The following ADGRG1 variants were observed in gnomAD, a reference collection of about 807,000 sequenced individuals.
The protein encoded by ADGRG1 is 7-transmembrane protein with no EGF-like N-terminal domains-1.
A neutral mutation model predicts 73.5 loss-of-function variants in ADGRG1; 53 were observed. The ratio of observed to expected loss-of-function variants is 0.72; its 90% CI spans 0.58 to 0.91. The LOEUF is 0.91. ADGRG1 is among the 40% of genes least tolerant of loss of function. The pLI is 0.00. For missense variants in ADGRG1, 795 were observed against 871.8 expected (o/e 0.91, Z 1.11); for synonymous variants, 394 against 374.4 (o/e 1.05, Z -0.60).
intron 1 of ADGRG1, chr16:57,635,390 C>T (rs2039099917): frequency 2.0e-6 from 2 of 985,328 alleles, no homozygotes; most frequent in Non-Finnish European, 1.2e-6. Context: ...CTGCCTGCCT[C>T]CTGGCACCTT....
rs114310048 is a variant in ADGRG1 at position 57,652,405 on chromosome 16, C to T, written c.487+783C>T. 8.8e-3 allele frequency among the ~76,000 whole-genome samples: 1,342 copies of T among 152,208 alleles called. 21 individuals carry two copies. The highest frequency in any genetic ancestry group is 0.031 in the African/African-American group (1,271 of 41,516). ...CAGCACTTTGATTGTGTCAGTGTAA[C>T]AGGCTAATGATTATGTCCAGTGCAA... On this transcript the variant is annotated intron_variant, in intron 3 of 13. Transcript: ENST00000562631.
intron 1 of ADGRG1, among the ~76,000 whole-genome samples, chr16:57,644,455 C>A (rs2041783618): frequency 6.6e-6 from 1 of 150,754 alleles, no homozygotes; most frequent in Admixed American, 6.6e-5. Context: ...TGCACATGCA[C>A]ACACTCATGC....
At chr16:57,656,154 C>T in intron 7 of ADGRG1, 72 bp from the exon 8 acceptor site, 2 of 1,613,794 alleles carry the variant, frequency 1.2e-6, no homozygotes, top group Non-Finnish European at 8.5e-7. Context: ...TCTAGACTTC[C>T]TCTGCCTGGC....
chr16:57,655,520 C>G lies in ADGRG1; in HGVS notation c.890C>G (p.Ala297Gly). 1 of 1,613,860 alleles carries G rather than the reference C, an allele frequency of 6.2e-7. No homozygotes were observed. The highest frequency in any genetic ancestry group is 8.5e-7 in the Non-Finnish European group (1 of 1,180,016). ...RLLLVDFSSQ[A>G]LFQDKNSSQV... ...CTCCTGGTGGACTTCAGCAGCCAAG[C>G]CCTGTTCCAGGTATGGGGTCCTCAC... Residue 297 changes from alanine (A) to glycine (G), a missense_variant, in exon 6 of 14, where the codon GCC (alanine) becomes GGC (glycine). Transcript: ENST00000562631.
intron 13 of ADGRG1, 129 bp from the exon 14 acceptor site, chr16:57,663,323 C>G (rs1476366185): frequency 1.3e-6 from 2 of 1,533,940 alleles, no homozygotes; most frequent in Non-Finnish European, 8.7e-7. Context: ...TCATGGGTGC[C>G]CGACAGCACG....
intron 4 of ADGRG1, chr16:57,653,665 G>A (rs571214855): frequency 7.8e-6 from 7 of 893,614 alleles, no homozygotes; most frequent in East Asian, 2.4e-4. Flanking sequence ...TGGCACAGGC[G>A]GAGCTGGGCC....
At chr16:57,626,747 C>T (rs1168603283), upstream of ADGRG1, 1 of 985,266 alleles carries the variant, frequency 1.0e-6, no homozygotes, top group Admixed American at 6.1e-5. Context: ...GGGACAGCTG[C>T]CCTGTGGGCC....
upstream of ADGRG1, chr16:57,627,950 G>C (rs1011815607): frequency 2.0e-5 from 20 of 978,036 alleles, no homozygotes; most frequent in Non-Finnish European, 2.4e-5. Context: ...CTTTGGCTCA[G>C]CAGATGGATT....
chr16:57,634,022 A>G, intron 1 of ADGRG1: 1 of 969,168 alleles, frequency 1.0e-6, no homozygotes, highest in Non-Finnish European at 1.2e-6. Flanking sequence ...GCCATTACCC[A>G]CAGAACCGCC....
rs768976220 is a variant in ADGRG1 at position 57,661,779 on chromosome 16, C to G, written c.1747C>G (p.Leu583Val). The change falls in exon 13 of 14, where the codon CTA becomes GTA. Residue 583 changes from leucine (L) to valine (V), a missense_variant. Coordinates refer to ENST00000562631, the MANE Select transcript of ADGRG1 (RefSeq NM_201525.4). ...SLVFLFNMAM[L>V]ATMVVQILRL... ...GGTGTTTCTGTTCAACATGGCCATG[C>G]TAGCCACCATGGTGGTGCAGATCCT... 1.9e-6 allele frequency: 3 copies of G among 1,614,224 alleles called. No homozygotes were observed. Among genetic ancestry groups the G allele is most frequent in the South Asian group, 2.2e-5 (2 of 91,090 alleles).
upstream of ADGRG1, chr16:57,624,876 C>T (rs914134822): frequency 2.2e-5 from 4 of 185,096 alleles, no homozygotes; most frequent in Non-Finnish European, 4.1e-5. Flanking sequence ...TCTGCCAGGC[C>T]TGGGCTGCAA....
rs1396059168 is a variant in ADGRG1 at position 57,659,318 on chromosome 16, G to A, written c.1287-95G>A. 6 of 1,600,314 alleles carry A rather than the reference G, an allele frequency of 3.7e-6. No individual in the cohort carries two copies. In the African/African-American group the frequency reaches 5.3e-5, roughly 14 times the overall value. On this transcript the variant is annotated intron_variant, in intron 10 of 13. Coordinates refer to ENST00000562631, the MANE Select transcript of ADGRG1 (RefSeq NM_201525.4). ...TATGACTGCATGTGTGTGTCGGGGT[G>A]GGGGGCAGTCTGGGAAGGCTTCCTG...
chr16:57,650,870 G>A (rs952947533), intron 2 of ADGRG1: 42 of 163,996 alleles, frequency 2.6e-4, no homozygotes, highest in Admixed American at 1.2e-3. Context: ...CACTATGCCC[G>A]GCTAATTTTT....
At chr16:57,627,287 T>C (rs1205548946), upstream of ADGRG1, 2 of 158,330 alleles carry the variant, frequency 1.3e-5, no homozygotes, top group Non-Finnish European at 2.7e-5. Flanking sequence ...AGAAGGCAGA[T>C]CTCTACCGGA....
At chr16:57,630,090 T>C in intron 1 of ADGRG1, 1 of 829,092 alleles carries the variant, frequency 1.2e-6, no homozygotes, top group Non-Finnish European at 1.5e-6. Context: ...CTGTGCACTC[T>C]GTGCTCTGTC....
In ADGRG1 at chr16:57,655,483, G is replaced by A. The variant is rs2148410874; in HGVS notation, c.853G>A (p.Glu285Lys). 1 of 1,613,870 alleles carries A rather than the reference G, an allele frequency of 6.2e-7. No homozygotes were observed. Among genetic ancestry groups the A allele is most frequent in the Middle Eastern group, 1.6e-4 (1 of 6,062 alleles). The change falls in exon 6 of 14, where the codon GAG becomes AAG. Residue 285 changes from glutamate (E) to lysine (K), a missense_variant. Coordinates refer to ENST00000562631, the MANE Select transcript of ADGRG1 (RefSeq NM_201525.4). ...GACGAAAGGCCGGAGCGGGGAGGCT[G>A]AGAAGAGACTCCTCCTGGTGGACTT... ...QRTKGRSGEAEKRLLLVDFSS... is the reference protein window; with the variant it reads ...QRTKGRSGEAKKRLLLVDFSS...
chr16:57,621,954 A>C (rs924811301), intron 2 of ADGRG1: 3 of 823,076 alleles, frequency 3.6e-6, no homozygotes, highest in Non-Finnish European at 2.9e-6. Context: ...CACTGGGGGA[A>C]TTTGGATTTT....
At chr16:57,650,429 AC>A (rs1332740062) in intron 2 of ADGRG1, 78 bp downstream of exon 2, 2 of 1,610,814 alleles carry the variant, frequency 1.2e-6, no homozygotes, top group Non-Finnish European at 1.7e-6. Flanking sequence ...CTGCCAGCAC[AC>A]ATGCTAACTC....
chr16:57,656,489 G>A, intron 8 of ADGRG1, 25 bp from the exon 9 acceptor site: 1 of 1,595,138 alleles, frequency 6.3e-7, no homozygotes, highest in Non-Finnish European at 8.6e-7. Context: ...GACTTGATTG[G>A]AGCCCCGTGC....
Sources: gnomAD v4.1 joint callset for allele counts (sites outside exome capture counted in the v4.1 genomes callset) on GRCh38, gnomAD v4.1.1 for gene constraint, MANE v1.5 for transcripts, NCBI Gene and HGNC (gene_info 2026-07-23, HGNC 2026-07-21) for gene names.